The following ZNF804B variants were observed in gnomAD, a reference collection of about 807,000 sequenced individuals.
ZNF804B encodes the protein zinc finger 804B.
Under a neutral mutation model 101.4 loss-of-function variants are expected in ZNF804B, and 80 were observed. The observed-to-expected ratio is 0.79, with a 90% CI of 0.66 to 0.95. The LOEUF (loss-of-function observed/expected upper bound fraction) is 0.95, where lower values mean the gene tolerates loss of function less well. Ranked by LOEUF, ZNF804B falls within the 40% of genes least tolerant of loss-of-function variation. ZNF804B has a pLI of 0.00. For synonymous variants in ZNF804B, 622 were observed against 558.8 expected, an observed-to-expected ratio of 1.11 and a Z score of -1.59; for missense variants, 1,673 against 1,561.9, an observed-to-expected ratio of 1.07 and a Z score of -1.20.
At chr7:88,782,159 G>C (rs1790239116) in intron 1 of ZNF804B, among the ~76,000 whole-genome samples, 1 of 151,416 alleles carries the variant, frequency 6.6e-6, no homozygotes. Flanking sequence ...CAAGAGAGGA[G>C]AGAAAAAGAG....
At chr7:89,287,549 T>C (rs541438281) in intron 2 of ZNF804B, among the ~76,000 whole-genome samples, 56 of 152,252 alleles carry the variant, frequency 3.7e-4, no homozygotes, top group African/African-American at 1.3e-3. Flanking sequence ...AAACTAATGG[T>C]TAACGGATAA....
chr7:89,219,430 G>C lies in ZNF804B; in HGVS notation c.249+1135G>C, dbSNP rs553598505. Among the ~76,000 whole-genome samples, 33 of 151,822 alleles carry C rather than the reference G, an allele frequency of 2.2e-4. No homozygotes were observed. In the South Asian group the frequency reaches 3.3e-3, roughly 15 times the overall value. ...AAAATCCAAAAGGGAAAAGCCTAGG[G>C]GTAATCACAGGTGAAAACATTTCAG... On this transcript the variant is annotated intron_variant, in intron 2 of 3. Transcript: ENST00000333190.
chr7:89,280,116 A>G (rs1790064904), intron 2 of ZNF804B, among the ~76,000 whole-genome samples: 1 of 152,190 alleles, frequency 6.6e-6, no homozygotes, highest in African/African-American at 2.4e-5. Context: ...ACTCAAAACC[A>G]CTTAACCACA....
At chr7:88,934,518 T>C (rs1442173111) in intron 1 of ZNF804B, among the ~76,000 whole-genome samples, 1 of 151,598 alleles carries the variant, frequency 6.6e-6, no homozygotes, top group African/African-American at 2.4e-5. Flanking sequence ...AGGAATAATA[T>C]CCAGAATCTA....
At position 89,297,502 on chromosome 7, in the gene ZNF804B, A is replaced by T. The variant is rs777773536; in HGVS notation, c.250-29842A>T. On this transcript the variant is annotated intron_variant, in intron 2 of 3. Coordinates refer to ENST00000333190, the MANE Select transcript of ZNF804B (RefSeq NM_181646.5). ...AGTCCACAGAAGCCTATGTTGCTAT[A>T]TCTATGATAGGTAAATCGTAATATA... Among the ~76,000 whole-genome samples, 4 of 152,216 alleles carry T rather than the reference A, an allele frequency of 2.6e-5. No homozygotes were observed. The East Asian group carries it at 7.7e-4, about 29-fold the overall frequency.
intron 1 of ZNF804B, among the ~76,000 whole-genome samples, chr7:89,066,651 C>T (rs940202007): frequency 3.3e-5 from 5 of 151,806 alleles, no homozygotes; most frequent in South Asian, 2.1e-4. Context: ...TGTCATCTGG[C>T]GTAACAATTA....
intron 1 of ZNF804B, among the ~76,000 whole-genome samples, chr7:88,919,737 A>G (rs892306661): frequency 3.3e-5 from 5 of 151,986 alleles, no homozygotes; most frequent in Admixed American, 2.6e-4. Context: ...AGCATTTCTT[A>G]AACTGCAAAA....
chr7:89,007,633 A>AT (rs986055156), intron 1 of ZNF804B, among the ~76,000 whole-genome samples: 4 of 144,046 alleles, frequency 2.8e-5, no homozygotes, highest in African/African-American at 1.0e-4. Context: ...AAATATATAT[A>AT]TTTTTGTAAA....
intron 1 of ZNF804B, among the ~76,000 whole-genome samples, chr7:89,106,650 A>G (rs1218829984): frequency 6.6e-6 from 1 of 152,158 alleles, no homozygotes; most frequent in Non-Finnish European, 1.5e-5. Flanking sequence ...AAAAGGAACT[A>G]GAAGGTAGGA....
At chr7:88,909,530 T>C (rs1270509305) in intron 1 of ZNF804B, among the ~76,000 whole-genome samples, 1 of 151,848 alleles carries the variant, frequency 6.6e-6, no homozygotes, top group African/African-American at 2.4e-5. Context: ...GACTTCATTT[T>C]ATTTCCTAGT....
intron 1 of ZNF804B, among the ~76,000 whole-genome samples, chr7:88,920,728 TTATC>T (rs1792707208): frequency 6.6e-6 from 1 of 152,036 alleles, no homozygotes; most frequent in Non-Finnish European, 1.5e-5. Flanking sequence ...ATATAGAACA[TTATC>T]TAGTAAAAAA....
chr7:88,844,886 G>A lies in ZNF804B; in HGVS notation c.108+84802G>A, dbSNP rs780734670. Among the ~76,000 whole-genome samples the A allele has an allele frequency of 4.5e-4, 69 of 152,150 alleles. 1 individual carries two copies. The highest frequency in any genetic ancestry group is 8.5e-4 in the Non-Finnish European group (58 of 68,032). ...AGTTAAATAATCCTTAATTGTTGCA[G>A]ACCATTTTGTCTCTTGAATAAACAT... On this transcript the variant is annotated intron_variant, in intron 1 of 3. Coordinates refer to ENST00000333190, the MANE Select transcript of ZNF804B (RefSeq NM_181646.5).
At chr7:89,182,674 T>C (rs1234408490) in intron 1 of ZNF804B, among the ~76,000 whole-genome samples, 1 of 152,154 alleles carries the variant, frequency 6.6e-6, no homozygotes, top group African/African-American at 2.4e-5. Flanking sequence ...GTAGGTAGTA[T>C]AGAGCTGTGC....
intron 1 of ZNF804B, among the ~76,000 whole-genome samples, chr7:88,927,231 C>G (rs1792817957): frequency 6.6e-6 from 1 of 152,094 alleles, no homozygotes; most frequent in Non-Finnish European, 1.5e-5. Context: ...GAATAAAATA[C>G]TGTTAACTAC....
At chr7:88,782,102 CGT>C (rs72225764) in intron 1 of ZNF804B, among the ~76,000 whole-genome samples, 13,898 of 141,622 alleles carry the variant, frequency 0.098, 814 homozygotes, top group East Asian at 0.2. Context: ...TGTGTGAGTG[CGT>C]GTGTGTGTGT....
At chr7:89,235,529 G>T (rs1469925349) in intron 2 of ZNF804B, among the ~76,000 whole-genome samples, 1 of 152,132 alleles carries the variant, frequency 6.6e-6, no homozygotes, top group Non-Finnish European at 1.5e-5. Context: ...ATACATTTGA[G>T]ATTCAATTTT....
chr7:89,232,764 A>T lies in ZNF804B; in HGVS notation c.249+14469A>T, dbSNP rs148512943. On this transcript the variant is annotated intron_variant, in intron 2 of 3. Coordinates refer to ENST00000333190, the MANE Select transcript of ZNF804B (RefSeq NM_181646.5). Reference sequence around the variant, plus strand: ...GACGCCTGTCTTCTCTATTTTTCTCAGTAAGTCTAGCTAAAGGTTTATGAA... The same window carrying T: ...GACGCCTGTCTTCTCTATTTTTCTCTGTAAGTCTAGCTAAAGGTTTATGAA... Among the ~76,000 whole-genome samples, 572 of 152,186 alleles carry T rather than the reference A, an allele frequency of 3.8e-3. 2 individuals are homozygous for T. The highest frequency in any genetic ancestry group is 0.013 in the African/African-American group (549 of 41,502).
intron 3 of ZNF804B, among the ~76,000 whole-genome samples, chr7:89,329,459 T>G (rs967474633): frequency 6.6e-6 from 1 of 151,718 alleles, no homozygotes; most frequent in African/African-American, 2.4e-5. Flanking sequence ...CTGGACAATC[T>G]TTTCTTTGTC....
At chr7:88,845,472 G>A (rs998355284) in intron 1 of ZNF804B, among the ~76,000 whole-genome samples, 4 of 152,038 alleles carry the variant, frequency 2.6e-5, no homozygotes, top group Admixed American at 1.3e-4. Context: ...GAGGGACAAT[G>A]GGTAACCATG....
Sources: allele counts gnomAD v4.1 joint callset (sites outside exome capture counted in the v4.1 genomes callset), GRCh38; gene constraint gnomAD v4.1.1; transcripts MANE v1.5; gene names NCBI Gene and HGNC (gene_info 2026-07-23, HGNC 2026-07-21).